ZNF518A: variants seen among roughly 807,000 people sequenced by gnomAD.
ZNF518A encodes the protein zinc finger protein 518.
Under a neutral mutation model 102.7 loss-of-function variants are expected in ZNF518A, and 47 were observed. That is an observed-to-expected ratio of 0.46 (90% CI 0.36 to 0.58). ZNF518A has a LOEUF of 0.58. Ranked by LOEUF, ZNF518A falls within the 20% of genes least tolerant of loss-of-function variation. The pLI, the probability that ZNF518A is intolerant of heterozygous loss-of-function variation, is 0.00. For synonymous variants in ZNF518A, 652 were observed against 594.6 expected (o/e 1.10, Z -1.40); for missense variants, 1,793 against 1,699.8 (o/e 1.05, Z -0.96).
At chr10:96,196,833 G>T in intron 1 of ZNF518A, 1 of 1,388,306 alleles carries the variant, frequency 7.2e-7, no homozygotes, top group South Asian at 1.2e-5. Context: ...CTCATCTCTA[G>T]CATCTAATAC....
rs587729144 is a variant in ZNF518A, at chr10:96,181,260, G to A, written n.36-22314G>A. Among the ~76,000 whole-genome samples the A allele has an allele frequency of 2.0e-5, 3 of 152,224 alleles. No individual in the cohort carries two copies. The South Asian group carries it at 6.2e-4, about 32-fold the overall frequency. The stretch of plus-strand genomic sequence containing the variant: ...CTGGATATTAGCCCTTTGTCAGATG[G>A]ATAGATTGCAAAAGTTTTCTCCCAT... On this transcript the variant is annotated intron_variant and non_coding_transcript_variant, in intron 1 of 2. Transcript: ENST00000442635.
chr10:96,158,673 A>G lies in ZNF518A; in HGVS notation c.2351A>G (p.Asn784Ser), dbSNP rs1554884933. 1 of 1,613,276 alleles carries G rather than the reference A, an allele frequency of 6.2e-7. No homozygotes were observed. The highest frequency in any genetic ancestry group is 1.7e-5 in the Admixed American group (1 of 59,852). ...QASEFLPPEVNQLLQDVLKIK... is the reference protein window; with the variant it reads ...QASEFLPPEVSQLLQDVLKIK... Reference sequence around the variant, plus strand: ...TCAGAATTTCTGCCACCTGAAGTAAACCAATTGCTTCAGGATGTATTGAAA... The same window carrying G: ...TCAGAATTTCTGCCACCTGAAGTAAGCCAATTGCTTCAGGATGTATTGAAA... Residue 784 changes from asparagine to serine, a missense_variant, in exon 6 of 6, where the codon AAC becomes AGC. By Grantham distance (46) the Asn-to-Ser change is conservative. Around this residue, in one of 3 missense-constraint regions of ZNF518A, gnomAD observed 1,741 missense variants for 1,622.6 expected, o/e 1.07. Transcript: ENST00000316045.
downstream of ZNF518A, among the ~76,000 whole-genome samples, chr10:96,168,116 A>G (rs1554890553): frequency 6.6e-6 from 1 of 152,220 alleles, no homozygotes. Flanking sequence ...AGAGTTACGA[A>G]CAGATATACA....
chr10:96,156,606 A>C lies in ZNF518A; in HGVS notation c.284A>C (p.Glu95Ala). The C allele has an allele frequency of 1.2e-6, 2 of 1,613,770 alleles. 1 individual carries two copies. The highest frequency in any genetic ancestry group is 2.2e-5 in the South Asian group (2 of 91,084). Residue 95 changes from glutamate to alanine, a missense_variant, in exon 6 of 6, where the codon GAG (glutamate) becomes GCG (alanine). Around this residue, in one of 3 missense-constraint regions of ZNF518A, gnomAD observed 1,741 missense variants for 1,622.6 expected, o/e 1.07. Coordinates refer to ENST00000316045, the MANE Select transcript of ZNF518A (RefSeq NM_001330736.2). ...ATAAAGACTGTAAGCTGTGTAGAGG[A>C]GTGTACATTGCTTCATAAGTCTGAG... ...ISIKTVSCVE[E>A]CTLLHKSERA... is the part of the protein sequence containing the mutation.
chr10:96,186,639 G>C (rs113942271), intron 1 of ZNF518A, among the ~76,000 whole-genome samples: 1 of 152,036 alleles, frequency 6.6e-6, no homozygotes, highest in Admixed American at 6.5e-5. Context: ...CTCATGATTC[G>C]CCTGCCTTGG....
intron 1 of ZNF518A, chr10:96,189,697 A>T (rs7081375): frequency 1.6e-6 from 1 of 630,704 alleles, no homozygotes; most frequent in Non-Finnish European, 2.9e-6. Flanking sequence ...CTCATCATCA[A>T]AATCATCATC....
chr10:96,136,529 T>C (rs587649916), intron 3 of ZNF518A, among the ~76,000 whole-genome samples: 1 of 151,838 alleles, frequency 6.6e-6, no homozygotes, highest in East Asian at 2.0e-4. Flanking sequence ...AAAGGCGTTT[T>C]AATGTGGCTT....
At chr10:96,139,427 C>T (rs2081796701) in intron 3 of ZNF518A, among the ~76,000 whole-genome samples, 1 of 151,958 alleles carries the variant, frequency 6.6e-6, no homozygotes, top group Non-Finnish European at 1.5e-5. Flanking sequence ...AATTAGTACC[C>T]TTATAAAAGA....
In ZNF518A at chr10:96,156,697, A is replaced by C. The variant is rs1554882663; in HGVS notation, c.375A>C (p.Arg125=). ...KILNFSCLKC[R]DNTRYSPNDL... is the part of the protein sequence containing the mutation. ...TCAATTTCAGCTGTTTAAAATGCCGAGACAACACTCGATATAGCCCAAATG... is the reference window on the plus strand; with the variant it reads ...TCAATTTCAGCTGTTTAAAATGCCGCGACAACACTCGATATAGCCCAAATG... Residue 125 remains arginine, a synonymous_variant, in exon 6 of 6, where the codon CGA becomes CGC. Transcript: ENST00000316045. The C allele has an allele frequency of 6.2e-7, 1 of 1,613,746 alleles. No homozygotes were observed. Among genetic ancestry groups the C allele is most frequent in the East Asian group, 2.2e-5 (1 of 44,858 alleles).
At chr10:96,147,259 G>T (rs1470922823) in intron 3 of ZNF518A, among the ~76,000 whole-genome samples, 1 of 152,202 alleles carries the variant, frequency 6.6e-6, no homozygotes, top group East Asian at 1.9e-4. Flanking sequence ...ACGGTACAGT[G>T]TCAGTGACGT....
chr10:96,163,909 A>C (rs2083090873), downstream of ZNF518A: 1 of 164,580 alleles, frequency 6.1e-6, no homozygotes, highest in Non-Finnish European at 1.5e-5. Flanking sequence ...AGAGCTACAA[A>C]GTACGAACTA....
intron 3 of ZNF518A, chr10:96,135,227 G>T (rs868959131): frequency 6.6e-6 from 1 of 152,244 alleles, no homozygotes; most frequent in Non-Finnish European, 1.5e-5. Context: ...GTGGGAGAAA[G>T]TGAAGCCATA....
rs587655254 is a variant in ZNF518A, at chr10:96,174,221, G to T, written n.35+18174G>T. Among the ~76,000 whole-genome samples the T allele has an allele frequency of 3.3e-5, 5 of 151,620 alleles. No individual in the cohort carries two copies. In the South Asian group the frequency reaches 8.3e-4, roughly 25 times the overall value. On this transcript the variant is annotated intron_variant and non_coding_transcript_variant, in intron 1 of 2. Transcript: ENST00000442635. ...ACTTACCACAATAAACAAGAAGAAA[G>T]ATTTCAAATTAATAGCATAACTTTA...
At chr10:96,197,833 G>A (rs1033950509) in intron 1 of ZNF518A, among the ~76,000 whole-genome samples, 1 of 151,024 alleles carries the variant, frequency 6.6e-6, no homozygotes, top group East Asian at 1.9e-4. Flanking sequence ...GAAGAATGGC[G>A]TGAACCCAGG....
At chr10:96,155,672 A>G (rs1462862511) in intron 4 of ZNF518A, 1 of 152,120 alleles carries the variant, frequency 6.6e-6, no homozygotes, top group African/African-American at 2.4e-5. Context: ...TTTTGTTTTA[A>G]TTGTAGATTA....
downstream of ZNF518A, among the ~76,000 whole-genome samples, chr10:96,166,766 CAAAAAG>C (rs1468417098): frequency 6.6e-6 from 1 of 151,798 alleles, no homozygotes; most frequent in East Asian, 1.9e-4. Context: ...GACTCTGTCT[CAAAAAG>C]AAAGAAAGGA....
intron 3 of ZNF518A, among the ~76,000 whole-genome samples, chr10:96,140,414 G>A (rs2081858564): frequency 6.6e-6 from 1 of 152,124 alleles, no homozygotes; most frequent in Admixed American, 6.5e-5. Context: ...ATGATAACAT[G>A]TTCTCCCAGC....
downstream of ZNF518A, among the ~76,000 whole-genome samples, chr10:96,166,319 T>G (rs1442870291): frequency 6.6e-6 from 1 of 152,228 alleles, no homozygotes; most frequent in Admixed American, 6.5e-5. Flanking sequence ...TAGGTATTCC[T>G]TAATGCATTC....
At chr10:96,132,294 A>G (rs2081377716) in intron 1 of ZNF518A, among the ~76,000 whole-genome samples, 1 of 151,294 alleles carries the variant, frequency 6.6e-6, no homozygotes. Flanking sequence ...CTGAATTGGA[A>G]CCGGATCCAG....
Sources: gnomAD v4.1 joint callset for allele counts (sites outside exome capture counted in the v4.1 genomes callset) on GRCh38, gnomAD v4.1.1 for gene constraint, gnomAD v4.1.1 regional missense constraint, MANE v1.5 for transcripts, NCBI Gene and HGNC (gene_info 2026-07-23, HGNC 2026-07-21) for gene names.